CNBD1: variants seen among roughly 807,000 people sequenced by gnomAD.
The protein encoded by CNBD1 is cyclic nucleotide binding domain containing 1, also known as cyclic nucleotide-binding domain-containing protein 1.
A neutral mutation model predicts 54.4 loss-of-function variants in CNBD1; 71 were observed. The ratio of observed to expected loss-of-function variants is 1.30; its 90% CI spans 1.08 to 1.59. CNBD1 has a LOEUF of 1.59. Among genes scored for constraint, CNBD1 ranks in the 40% most tolerant of loss-of-function variants. The pLI, the probability that CNBD1 is intolerant of heterozygous loss-of-function variation, is 0.00. For missense variants in CNBD1, 659 were observed against 518.0 expected (o/e 1.27, Z -2.64); for synonymous variants, 182 against 170.7 (o/e 1.07, Z -0.51).
chr8:87,368,198 G>C (rs1188354289), intron 10 of CNBD1, among the ~76,000 whole-genome samples: 1 of 138,418 alleles, frequency 7.2e-6, no homozygotes, highest in Non-Finnish European at 1.6e-5. Context: ...ATATGTTATA[G>C]AATTTGGGTT....
At chr8:87,264,631 C>A (rs182833266) in intron 6 of CNBD1, among the ~76,000 whole-genome samples, 2,812 of 152,196 alleles carry the variant, frequency 0.018, 82 homozygotes, top group African/African-American at 0.064. Flanking sequence ...TAAAAGCGTT[C>A]CTATTTCTCC....
At position 87,337,555 on chromosome 8, in the gene CNBD1, G is replaced by T. The variant is rs185764655; in HGVS notation, c.1043-14130G>T. ...GGCCAATTCTAGCTGAGTGGCTGTT[G>T]AGAATCTGTGTGGCTCCATGGTGGT... On this transcript the variant is annotated intron_variant, in intron 8 of 10. Transcript: ENST00000518476. 6.9e-4 allele frequency among the ~76,000 whole-genome samples: 105 copies of T among 152,352 alleles called. 1 individual carries two copies. Among genetic ancestry groups the T allele is most frequent in the Admixed American group, 1.6e-3 (25 of 15,312 alleles).
intron 4 of CNBD1, among the ~76,000 whole-genome samples, chr8:87,003,833 C>T (rs1286701051): frequency 6.6e-6 from 1 of 152,102 alleles, no homozygotes; most frequent in East Asian, 1.9e-4. Context: ...AACTGGGAGA[C>T]TAACCACTGC....
intron 4 of CNBD1, among the ~76,000 whole-genome samples, chr8:87,186,822 T>G (rs1292179597): frequency 2.6e-5 from 4 of 152,128 alleles, no homozygotes; most frequent in African/African-American, 9.7e-5. Flanking sequence ...ATGGCAAGAT[T>G]GTTAAAATGG....
chr8:86,964,202 C>T (rs1388980098), intron 4 of CNBD1, among the ~76,000 whole-genome samples: 1 of 152,280 alleles, frequency 6.6e-6, no homozygotes, highest in Non-Finnish European at 1.5e-5. Flanking sequence ...CTCATCCAAT[C>T]CCTGGTCTAC....
chr8:86,984,055 G>T (rs1483384731), intron 4 of CNBD1, among the ~76,000 whole-genome samples: 1 of 152,120 alleles, frequency 6.6e-6, no homozygotes, highest in African/African-American at 2.4e-5. Context: ...ACGGTTTCAT[G>T]GGCTGGGCCC....
At chr8:87,390,585 G>GA (rs1052871615) in intron 2 of CNBD1, among the ~76,000 whole-genome samples, 2 of 151,932 alleles carry the variant, frequency 1.3e-5, no homozygotes, top group African/African-American at 4.8e-5. Context: ...AAAAAGTCAG[G>GA]AAACAAGAGG....
chr8:87,036,499 C>A (rs1397761448), intron 4 of CNBD1, among the ~76,000 whole-genome samples: 1 of 145,792 alleles, frequency 6.9e-6, no homozygotes, highest in Non-Finnish European at 1.5e-5. Flanking sequence ...GAAGCTGAGG[C>A]AGGAGAATGG....
chr8:87,346,053 G>C (rs369058945), intron 8 of CNBD1, among the ~76,000 whole-genome samples: 1 of 146,182 alleles, frequency 6.8e-6, no homozygotes, highest in East Asian at 2.0e-4. Flanking sequence ...TCTTTTTTTT[G>C]TGGGGGGGAC....
chr8:87,134,738 G>A (rs1812192429), intron 4 of CNBD1, among the ~76,000 whole-genome samples: 1 of 151,120 alleles, frequency 6.6e-6, no homozygotes, highest in East Asian at 1.9e-4. Context: ...GAGTAGCTGG[G>A]ACTACAGGCG....
At chr8:87,167,245 G>A (rs1287376434) in intron 4 of CNBD1, among the ~76,000 whole-genome samples, 3 of 151,780 alleles carry the variant, frequency 2.0e-5, no homozygotes, top group Admixed American at 6.6e-5. Flanking sequence ...TCTTTGACAC[G>A]TGTATAATCT....
At chr8:87,127,566 G>A (rs1185698664) in intron 4 of CNBD1, among the ~76,000 whole-genome samples, 1 of 151,882 alleles carries the variant, frequency 6.6e-6, no homozygotes. Context: ...GGTTTCTTTG[G>A]ATTTTCTCCA....
At chr8:87,246,452 G>A (rs1270473918) in intron 6 of CNBD1, among the ~76,000 whole-genome samples, 1 of 152,118 alleles carries the variant, frequency 6.6e-6, no homozygotes, top group East Asian at 1.9e-4. Context: ...TTTCATGAAA[G>A]TTGGTTAGAG....
chr8:87,373,970 T>G (rs1264353146), intron 10 of CNBD1, among the ~76,000 whole-genome samples: 1 of 151,784 alleles, frequency 6.6e-6, no homozygotes, highest in African/African-American at 2.4e-5. Flanking sequence ...ACAACAGTTT[T>G]CATCTGATGA....
chr8:87,179,884 G>A (rs1024654292), intron 4 of CNBD1, among the ~76,000 whole-genome samples: 24 of 152,094 alleles, frequency 1.6e-4, no homozygotes, highest in African/African-American at 5.3e-4. Context: ...GAGTAACTCC[G>A]ATAAGATTAT....
intron 5 of CNBD1, among the ~76,000 whole-genome samples, chr8:87,211,017 C>G (rs1814086938): frequency 6.6e-6 from 1 of 152,162 alleles, no homozygotes; most frequent in Non-Finnish European, 1.5e-5. Flanking sequence ...CCATACCCTG[C>G]AGAGACATGG....
At chr8:87,408,007 G>A (rs1807678990) in intron 2 of CNBD1, among the ~76,000 whole-genome samples, 1 of 151,826 alleles carries the variant, frequency 6.6e-6, no homozygotes, top group East Asian at 1.9e-4. Flanking sequence ...TTTGTTTTAT[G>A]AATAGTATCT....
intron 4 of CNBD1, among the ~76,000 whole-genome samples, chr8:86,993,754 A>T (rs1808807438): frequency 6.6e-6 from 1 of 152,184 alleles, no homozygotes; most frequent in African/African-American, 2.4e-5. Context: ...TTGGGCTGTG[A>T]TCCAGTAGAT....
At chr8:86,921,900 G>A (rs946605014) in intron 3 of CNBD1, among the ~76,000 whole-genome samples, 10 of 152,146 alleles carry the variant, frequency 6.6e-5, no homozygotes, top group Non-Finnish European at 1.2e-4. Context: ...TCAGAGCTTG[G>A]TGGTGCTGAC....
Sources: gnomAD v4.1 joint callset for allele counts (sites outside exome capture counted in the v4.1 genomes callset) on GRCh38, gnomAD v4.1.1 for gene constraint, MANE v1.5 for transcripts, NCBI Gene and HGNC (gene_info 2026-07-23, HGNC 2026-07-21) for gene names.